The following HECW1 variants were observed in gnomAD, a reference collection of about 807,000 sequenced individuals.
HECW1 encodes HECT, C2 and WW domain containing E3 ubiquitin protein ligase 1, also known as E3 ubiquitin-protein ligase HECW1.
HECW1 carries 61 observed loss-of-function variants against 182.3 expected under a neutral mutation model. The ratio of observed to expected loss-of-function variants is 0.33; its 90% CI spans 0.27 to 0.41. The LOEUF (loss-of-function observed/expected upper bound fraction) is 0.41, where lower values mean the gene tolerates loss of function less well. HECW1 is among the 10% of genes least tolerant of loss of function. HECW1 has a pLI of 1.00. For synonymous variants in HECW1, 859 were observed against 832.6 expected (o/e 1.03, Z -0.55); for missense variants, 1,739 against 2,108.9 (o/e 0.82, Z 3.44).
At chr7:43,371,144 C>T (rs773760197) in intron 6 of HECW1, among the ~76,000 whole-genome samples, 6 of 152,166 alleles carry the variant, frequency 3.9e-5, no homozygotes, top group Non-Finnish European at 8.8e-5. Flanking sequence ...GCCTCGGCCT[C>T]CCAAAGTGCT....
At chr7:43,134,743 AAAT>A (rs1787339634) in intron 2 of HECW1, among the ~76,000 whole-genome samples, 1 of 152,116 alleles carries the variant, frequency 6.6e-6, no homozygotes, top group African/African-American at 2.4e-5. Flanking sequence ...TTACTTTAAT[AAAT>A]AATGTTTTGT....
intron 3 of HECW1, chr7:43,249,531 C>T (rs1276948360): frequency 6.6e-6 from 1 of 152,118 alleles, no homozygotes; most frequent in African/African-American, 2.4e-5. Context: ...ATTTTTTTCT[C>T]ACTTGTACAT....
At chr7:43,250,118 AACAC>A (rs10648012) in intron 3 of HECW1, among the ~76,000 whole-genome samples, 37 of 151,170 alleles carry the variant, frequency 2.4e-4, no homozygotes, top group African/African-American at 7.5e-4. Context: ...TTTTAACCAA[AACAC>A]ACACACACAC....
At chr7:43,496,219 A>G (rs890143359) in intron 19 of HECW1, among the ~76,000 whole-genome samples, 5 of 150,886 alleles carry the variant, frequency 3.3e-5, no homozygotes, top group Non-Finnish European at 5.9e-5. Context: ...CTAATAACCT[A>G]TTTTAAGGTT....
chr7:43,275,126 C>A (rs1250590756), intron 3 of HECW1, among the ~76,000 whole-genome samples: 2 of 152,098 alleles, frequency 1.3e-5, no homozygotes, highest in African/African-American at 4.8e-5. Context: ...TGTTCATTTG[C>A]AGCATTATAT....
intron 5 of HECW1, among the ~76,000 whole-genome samples, chr7:43,358,274 T>C (rs2152810395): frequency 6.6e-6 from 1 of 152,318 alleles, no homozygotes; most frequent in South Asian, 2.1e-4. Flanking sequence ...CCTTCCCTGA[T>C]CCCTGACTTA....
chr7:43,357,464 A>C (rs1815302006), intron 5 of HECW1, among the ~76,000 whole-genome samples: 1 of 152,224 alleles, frequency 6.6e-6, no homozygotes. Flanking sequence ...AGCCAAGCAC[A>C]GAAAGATAAA....
chr7:43,397,366 G>A (rs2075265206), intron 7 of HECW1, among the ~76,000 whole-genome samples: 1 of 152,208 alleles, frequency 6.6e-6, no homozygotes, highest in African/African-American at 2.4e-5. Context: ...ATATTTAAGA[G>A]TAAGTTAACG....
In HECW1 at chr7:43,233,775, C is replaced by T. The variant is rs80250932; in HGVS notation, c.-31-10100C>T. 9.4e-3 allele frequency among the ~76,000 whole-genome samples: 1,428 copies of T among 152,302 alleles called. 29 individuals carry two copies. The highest frequency in any genetic ancestry group is 0.081 in the East Asian group (420 of 5,170). ...GGCCTGCACCAGTCAGTCTCAAAGC[C>T]TCCACTTGCTCCTCTCTTCCTGTGT... On this transcript the variant is annotated intron_variant, in intron 2 of 29. Transcript: ENST00000395891.
chr7:43,556,679 C>T (rs2082035909), intron 29 of HECW1, among the ~76,000 whole-genome samples: 1 of 149,608 alleles, frequency 6.7e-6, no homozygotes, highest in Non-Finnish European at 1.5e-5. Flanking sequence ...CAGAGTGAGA[C>T]CTTGTCTCAA....
At chr7:43,418,742 A>G (rs1233784295) in intron 8 of HECW1, among the ~76,000 whole-genome samples, 1 of 152,060 alleles carries the variant, frequency 6.6e-6, no homozygotes, top group Non-Finnish European at 1.5e-5. Flanking sequence ...CCTTTACCAC[A>G]CTGGATATAG....
chr7:43,521,514 G>A (rs988041149), intron 24 of HECW1, among the ~76,000 whole-genome samples: 3 of 152,184 alleles, frequency 2.0e-5, no homozygotes, highest in Non-Finnish European at 4.4e-5. Flanking sequence ...TCATGGCTGC[G>A]GGTTGAATAT....
chr7:43,564,687 G>A lies in HECW1; in HGVS notation c.*2761G>A, dbSNP rs948047760. 1.1e-5 allele frequency: 2 copies of A among 180,340 alleles called. No homozygotes were observed. The highest frequency in any genetic ancestry group is 2.4e-5 in the Non-Finnish European group (2 of 84,414). The allele number at this position is 180,340 out of a possible 1,614,324, so 11.2% of individuals were successfully genotyped here. ...TTAAGGAAGAAAAACAAAGAGAAGA[G>A]GAACACAGAAACAAGTTATGGAAAT... On this transcript the variant is annotated 3_prime_UTR_variant, in exon 30 of 30. Coordinates refer to ENST00000395891, the MANE Select transcript of HECW1 (RefSeq NM_015052.5).
intron 8 of HECW1, among the ~76,000 whole-genome samples, chr7:43,415,486 T>C (rs1163593501): frequency 6.6e-6 from 1 of 152,026 alleles, no homozygotes; most frequent in Non-Finnish European, 1.5e-5. Context: ...TCAACTTTGG[T>C]GAATCTGACA....
chr7:43,137,752 G>A (rs1348345844), intron 2 of HECW1, among the ~76,000 whole-genome samples: 3 of 151,924 alleles, frequency 2.0e-5, no homozygotes, highest in South Asian at 2.1e-4. Flanking sequence ...GTTTCACCAT[G>A]TTGCTCAGGC....
chr7:43,488,674 A>C (rs1252333235), intron 17 of HECW1, among the ~76,000 whole-genome samples: 5 of 152,098 alleles, frequency 3.3e-5, no homozygotes, highest in African/African-American at 1.2e-4. Context: ...AGACCCTCGG[A>C]ATTTCCTCCA....
Position 43,445,056 on chromosome 7 carries a change from G to C in HECW1, c.1884G>C (p.Ala628=), listed in dbSNP as rs1348906997. The change falls in exon 11 of 30, where the codon GCG becomes GCC. Residue 628 remains alanine, a synonymous_variant. Transcript: ENST00000395891. ...EEPEGATPGT[A]HPGHSGGHFP... Reference sequence around the variant, plus strand: ...CCGAGGGGGCTACTCCAGGCACGGCGCACCCTGGCCACTCCGGGGGCCACT... The same window carrying C: ...CCGAGGGGGCTACTCCAGGCACGGCCCACCCTGGCCACTCCGGGGGCCACT... The C allele has an allele frequency of 7.0e-6, 11 of 1,582,594 alleles. No homozygotes were observed. The highest frequency in any genetic ancestry group is 9.4e-6 in the Non-Finnish European group (11 of 1,164,714).
At chr7:43,166,576 G>T (rs1256905621) in intron 2 of HECW1, among the ~76,000 whole-genome samples, 1 of 152,158 alleles carries the variant, frequency 6.6e-6, no homozygotes, top group African/African-American at 2.4e-5. Context: ...CACATTACAA[G>T]TAAAAGCTTT....
chr7:43,176,582 G>A (rs2152671942), intron 2 of HECW1, among the ~76,000 whole-genome samples: 1 of 152,268 alleles, frequency 6.6e-6, no homozygotes, highest in Middle Eastern at 3.4e-3. Context: ...ACAATAGATG[G>A]TCAAACTGGC....
Sources: allele counts gnomAD v4.1 joint callset (sites outside exome capture counted in the v4.1 genomes callset), GRCh38; gene constraint gnomAD v4.1.1; transcripts MANE v1.5; gene names NCBI Gene and HGNC (gene_info 2026-07-23, HGNC 2026-07-21).